Variants in FNDC3B observed in about 807,000 individuals in gnomAD.
FNDC3B encodes the protein fibronectin type III domain containing 3B, also known as fibronectin type III domain-containing protein 3B.
In FNDC3B, 12 loss-of-function variants were observed where a neutral mutation model predicts 151.5. The ratio of observed to expected loss-of-function variants is 0.08; its 90% confidence interval spans 0.05 to 0.13. The LOEUF is 0.13. Ranked by LOEUF, FNDC3B falls within the 10% of genes least tolerant of loss-of-function variation. The pLI, the probability that FNDC3B is intolerant of heterozygous loss-of-function variation, is 1.00. For synonymous variants in FNDC3B, 528 were observed against 549.0 expected (o/e 0.96, Z 0.54); for missense variants, 1,214 against 1,505.3 (o/e 0.81, Z 3.20).
intron 1 of FNDC3B, among the ~76,000 whole-genome samples, chr3:172,070,599 C>T (rs1560393285): frequency 6.6e-6 from 1 of 152,212 alleles, no homozygotes; most frequent in African/African-American, 2.4e-5. Context: ...TGTATCTTTG[C>T]TATCACATAT....
At chr3:172,208,824 G>A (rs377222147) in intron 3 of FNDC3B, among the ~76,000 whole-genome samples, 39 of 152,234 alleles carry the variant, frequency 2.6e-4, no homozygotes, top group South Asian at 1.0e-3. Flanking sequence ...CACAGGGTCC[G>A]GCCACTGTGC....
chr3:172,125,501 C>T (rs1292769584), intron 2 of FNDC3B, among the ~76,000 whole-genome samples: 1 of 152,144 alleles, frequency 6.6e-6, no homozygotes, highest in African/African-American at 2.4e-5. Context: ...GTAGAGGTTC[C>T]TCCCCCGTGG....
intron 3 of FNDC3B, among the ~76,000 whole-genome samples, chr3:172,210,874 C>T (rs892172366): frequency 3.3e-5 from 5 of 149,562 alleles, no homozygotes; most frequent in Non-Finnish European, 5.9e-5. Context: ...ATGTGTTACT[C>T]GGATGTGTTA....
At chr3:172,271,235 A>G (rs1391412207) in intron 6 of FNDC3B, among the ~76,000 whole-genome samples, 1 of 152,184 alleles carries the variant, frequency 6.6e-6, no homozygotes, top group Non-Finnish European at 1.5e-5. Context: ...ATTACATTTC[A>G]TGTAATTCAT....
At chr3:172,243,098 A>G (rs1727584181) in intron 4 of FNDC3B, among the ~76,000 whole-genome samples, 1 of 152,206 alleles carries the variant, frequency 6.6e-6, no homozygotes, top group Non-Finnish European at 1.5e-5. Flanking sequence ...TCTCTATCTG[A>G]GACCATCTCA....
intron 10 of FNDC3B, among the ~76,000 whole-genome samples, chr3:172,309,592 C>G (rs530422519): frequency 6.6e-6 from 1 of 152,056 alleles, no homozygotes; most frequent in Admixed American, 6.5e-5. Flanking sequence ...AGAGCACTCA[C>G]CTGAGATCCG....
chr3:172,092,293 G>C (rs1175276730), intron 1 of FNDC3B, among the ~76,000 whole-genome samples: 2 of 152,260 alleles, frequency 1.3e-5, no homozygotes, highest in East Asian at 1.9e-4. Context: ...CAGTTAAGGA[G>C]TTCATCAAAT....
At chr3:172,047,858 A>G (rs1716438745) in intron 1 of FNDC3B, among the ~76,000 whole-genome samples, 1 of 152,108 alleles carries the variant, frequency 6.6e-6, no homozygotes, top group Non-Finnish European at 1.5e-5. Context: ...TTCTTTTGTC[A>G]TGTGTAAGCA....
At chr3:172,364,160 C>T (rs542212184) in intron 23 of FNDC3B, among the ~76,000 whole-genome samples, 1 of 152,152 alleles carries the variant, frequency 6.6e-6, no homozygotes, top group Admixed American at 6.5e-5. Flanking sequence ...TCTTATTGTG[C>T]TATATGTGCC....
At chr3:172,269,404 A>G (rs1000183053) in intron 6 of FNDC3B, among the ~76,000 whole-genome samples, 1 of 151,522 alleles carries the variant, frequency 6.6e-6, no homozygotes. Flanking sequence ...GACCACAGGC[A>G]TGTGCCACCA....
intron 6 of FNDC3B, among the ~76,000 whole-genome samples, chr3:172,266,239 C>T (rs1489454916): frequency 6.6e-6 from 1 of 152,174 alleles, no homozygotes; most frequent in Non-Finnish European, 1.5e-5. Flanking sequence ...ATTGTAATGA[C>T]TACTGTCCAC....
intron 3 of FNDC3B, among the ~76,000 whole-genome samples, chr3:172,219,063 G>C (rs1287268503): frequency 1.3e-5 from 2 of 152,192 alleles, no homozygotes; most frequent in African/African-American, 4.8e-5. Flanking sequence ...TCCTGGGCTG[G>C]TCAGCTTGCT....
chr3:172,138,454 C>T (rs1474355328), intron 3 of FNDC3B, among the ~76,000 whole-genome samples: 1 of 151,966 alleles, frequency 6.6e-6, no homozygotes. Context: ...CTCTAAATCT[C>T]AATAGAAGAA....
At chr3:172,179,470 A>G (rs958570169) in intron 3 of FNDC3B, among the ~76,000 whole-genome samples, 10 of 152,180 alleles carry the variant, frequency 6.6e-5, no homozygotes, top group Admixed American at 6.5e-4. Context: ...TTCAGGATAT[A>G]TGGTATGAGC....
chr3:172,259,147 G>T (rs1728518506), intron 6 of FNDC3B, among the ~76,000 whole-genome samples: 1 of 152,178 alleles, frequency 6.6e-6, no homozygotes, highest in Non-Finnish European at 1.5e-5. Context: ...AAGAAAACAT[G>T]AGAAAAGTTA....
intron 23 of FNDC3B, among the ~76,000 whole-genome samples, chr3:172,367,161 A>G (rs1734670614): frequency 6.6e-6 from 1 of 152,236 alleles, no homozygotes; most frequent in African/African-American, 2.4e-5. Context: ...TTCCCCATCC[A>G]CATTTATAAG....
chr3:172,200,579 C>T (rs1725094561), intron 3 of FNDC3B, among the ~76,000 whole-genome samples: 1 of 152,140 alleles, frequency 6.6e-6, no homozygotes, highest in African/African-American at 2.4e-5. Flanking sequence ...TGCGTTCACC[C>T]AACTGTAGGC....
At chr3:172,050,675 C>T (rs545308721) in intron 1 of FNDC3B, among the ~76,000 whole-genome samples, 5 of 151,340 alleles carry the variant, frequency 3.3e-5, no homozygotes, top group Non-Finnish European at 5.9e-5. Context: ...TGAGCCACCA[C>T]GCCCAGCCTT....
At chr3:172,228,992 G>A (rs991163026) in intron 4 of FNDC3B, among the ~76,000 whole-genome samples, 1 of 151,788 alleles carries the variant, frequency 6.6e-6, no homozygotes, top group Non-Finnish European at 1.5e-5. Context: ...AATGAGGAAG[G>A]CCGAACCAAA....
Sources: allele counts gnomAD v4.1 joint callset (sites outside exome capture counted in the v4.1 genomes callset), GRCh38; gene constraint gnomAD v4.1.1; transcripts MANE v1.5; gene names NCBI Gene and HGNC (gene_info 2026-07-23, HGNC 2026-07-21).